MYEF2: variants seen among roughly 807,000 people sequenced by gnomAD.
The protein encoded by MYEF2 is myelin expression factor 2, also known as myelin gene expression factor 2.
In MYEF2, 37 loss-of-function variants were observed where a neutral mutation model predicts 75.2. The observed-to-expected ratio is 0.49, with a 90% CI of 0.38 to 0.65. The LOEUF is 0.65. MYEF2 is among the 30% of genes least tolerant of loss of function. MYEF2 has a pLI of 0.00. For missense variants in MYEF2, 634 were observed against 771.4 expected (o/e 0.82, Z 2.11); for synonymous variants, 195 against 241.6 (o/e 0.81, Z 1.79).
In MYEF2 at chr15:48,139,534, G is replaced by C. The variant is rs200053579; in HGVS notation, c.*3374C>G. On this transcript the variant is annotated 3_prime_UTR_variant, in exon 17 of 17. Coordinates refer to ENST00000324324, the MANE Select transcript of MYEF2 (RefSeq NM_016132.5). ...TCCATTCCATAATAAAAAAAAAAAA[G>C]AACAAAAAAACAAAAACAAAGCAAG... 1 of 151,998 alleles carries C rather than the reference G, an allele frequency of 6.6e-6. No individual in the cohort carries two copies. Among genetic ancestry groups the C allele is most frequent in the Non-Finnish European group, 1.4e-5 (1 of 71,410 alleles). The allele number at this position is 151,998 out of a possible 1,614,324, so 9.4% of individuals were successfully genotyped here.
intron 10 of MYEF2, 185 bp downstream of exon 10, chr15:48,153,607 T>C (rs1336563181): frequency 1.8e-6 from 1 of 551,378 alleles, no homozygotes; most frequent in Non-Finnish European, 3.2e-6. Flanking sequence ...CCCTCCTGAC[T>C]TCTGCCTATC....
chr15:48,150,755 T>C (rs929695657), intron 14 of MYEF2, among the ~76,000 whole-genome samples: 3 of 152,070 alleles, frequency 2.0e-5, no homozygotes, highest in African/African-American at 7.2e-5. Flanking sequence ...CTAATAGCTA[T>C]TATAGAAAAT....
chr15:48,155,953 T>C (rs1008818796), intron 9 of MYEF2, among the ~76,000 whole-genome samples: 5 of 151,964 alleles, frequency 3.3e-5, no homozygotes, highest in African/African-American at 1.2e-4. Context: ...TTTTTTTGTA[T>C]TTTTAGTAGA....
intron 5 of MYEF2, among the ~76,000 whole-genome samples, chr15:48,161,838 G>A (rs1156938677): frequency 7.2e-6 from 1 of 139,454 alleles, no homozygotes; most frequent in Non-Finnish European, 1.6e-5. Flanking sequence ...TGCAGTTTTT[G>A]CCATTATTTT....
At chr15:48,148,275 T>C (rs142462405) in intron 16 of MYEF2, among the ~76,000 whole-genome samples, 1 of 152,020 alleles carries the variant, frequency 6.6e-6, no homozygotes, top group Non-Finnish European at 1.5e-5. Context: ...TCACATGAAT[T>C]CTCTCATTAT....
chr15:48,156,942 C>A (rs188572669), intron 9 of MYEF2, among the ~76,000 whole-genome samples: 69 of 151,912 alleles, frequency 4.5e-4, no homozygotes, highest in Admixed American at 1.4e-3. Context: ...CTGGATAAGG[C>A]ATAAGTTGAA....
intron 14 of MYEF2, among the ~76,000 whole-genome samples, chr15:48,150,254 G>A (rs1298163728): frequency 6.6e-6 from 1 of 151,938 alleles, no homozygotes; most frequent in Non-Finnish European, 1.5e-5. Context: ...AGATAAAAGA[G>A]GAAGGTAAGG....
At chr15:48,152,406 G>C in intron 10 of MYEF2, 122 bp from the exon 11 acceptor site, 1 of 806,864 alleles carries the variant, frequency 1.2e-6, no homozygotes, top group Non-Finnish European at 2.0e-6. Context: ...CTAGAGAAGC[G>C]GTAGGGTACA....
chr15:48,151,683 G>T, intron 12 of MYEF2, 112 bp from the exon 13 acceptor site: 2 of 1,236,216 alleles, frequency 1.6e-6, no homozygotes, highest in Non-Finnish European at 2.3e-6. Flanking sequence ...ATATAAAATA[G>T]TCTGTCATTT....
rs752582971 is a variant in MYEF2, at chr15:48,149,197, A to G, written c.1553T>C (p.Ile518Thr). 3.1e-6 allele frequency: 5 copies of G among 1,613,386 alleles called. No individual in the cohort carries two copies. Among genetic ancestry groups the G allele is most frequent in the Non-Finnish European group, 4.2e-6 (5 of 1,179,450 alleles). ...GPMGSGMRER[I>T]GSKGNQIFVR... ...AAATATCTGGTTGCCTTTGGAGCCT[A>G]TTCTCTCTCTCATTCCGCTTCCCAT... The change falls in exon 15 of 17, where the codon ATA becomes ACA. Residue 518 changes from isoleucine (I) to threonine (T), a missense_variant. Physicochemically the swap from Ile to Thr is moderately conservative, Grantham distance 89 (BLOSUM62 -1). Coordinates refer to ENST00000324324, the MANE Select transcript of MYEF2 (RefSeq NM_016132.5). This position sits in a 1 kb window ranked among gnomAD's most constrained non-coding sequence, Gnocchi z 4.0.
intron 14 of MYEF2, among the ~76,000 whole-genome samples, 162 bp downstream of exon 14, chr15:48,150,938 T>A (rs775670499): frequency 2.6e-5 from 4 of 152,048 alleles, no homozygotes; most frequent in African/African-American, 9.7e-5. Flanking sequence ...CAAACAATAA[T>A]CAAACAGAAA....
chr15:48,143,081 A>T lies in MYEF2; in HGVS notation c.1640-10T>A, dbSNP rs1484673466. On this transcript the variant is annotated splice_polypyrimidine_tract_variant and intron_variant, in intron 16 of 16. Transcript: ENST00000324324. ...GCAAACATTACATGACCTGTAAAAT[A>T]AAAGTTACAGAATTACTAGTCAGTT... 5 of 1,500,866 alleles carry T rather than the reference A, an allele frequency of 3.3e-6. No homozygotes were observed. Among genetic ancestry groups the T allele is most frequent in the Non-Finnish European group, 3.6e-6 (4 of 1,126,512 alleles). The allele number at this position is 1,500,866 out of a possible 1,614,324, so 93.0% of individuals were successfully genotyped here.
At position 48,159,684 on chromosome 15, in the gene MYEF2, G is replaced by T; in HGVS notation, c.646C>A (p.Pro216Thr). 6.2e-7 allele frequency: 1 copy of T among 1,613,632 alleles called. No individual in the cohort carries two copies. Among genetic ancestry groups the T allele is most frequent in the Non-Finnish European group, 8.5e-7 (1 of 1,179,726 alleles). ...MNLPPSILNN[P>T]NIPPEVISNL... ...CTGATGACTTCAGGAGGAATGTTTG[G>T]ATTATTGAGTATGGAAGGTGGTAAA... The change falls in exon 6 of 17, where the codon CCA becomes ACA. Residue 216 changes from proline (P) to threonine (T), a missense_variant. Coordinates refer to ENST00000324324, the MANE Select transcript of MYEF2 (RefSeq NM_016132.5).
chr15:48,148,484 G>C (rs1249634778), intron 16 of MYEF2, among the ~76,000 whole-genome samples: 1 of 151,984 alleles, frequency 6.6e-6, no homozygotes, highest in Non-Finnish European at 1.5e-5. Flanking sequence ...CAACCAAAAT[G>C]TACCCATGTC....
chr15:48,159,407 AGTT>A (rs2039843493), intron 6 of MYEF2, among the ~76,000 whole-genome samples: 1 of 152,046 alleles, frequency 6.6e-6, no homozygotes, highest in Admixed American at 6.6e-5. Context: ...AAATCCAAAT[AGTT>A]GTATTTAAAC....
At chr15:48,177,891 C>A (rs2040604731) in intron 1 of MYEF2, among the ~76,000 whole-genome samples, 186 bp downstream of exon 1, 1 of 152,264 alleles carries the variant, frequency 6.6e-6, no homozygotes. Flanking sequence ...GGCGGCCAGG[C>A]CTGGGGCGGG....
chr15:48,162,076 T>G (rs1187363593), intron 5 of MYEF2, among the ~76,000 whole-genome samples: 3 of 151,776 alleles, frequency 2.0e-5, no homozygotes, highest in Non-Finnish European at 4.4e-5. Flanking sequence ...GTTAATAACT[T>G]TTTTAATAAT....
Position 48,136,840 on chromosome 15 carries a change from T to G in MYEF2, c.*6068A>C. On this transcript the variant is annotated 3_prime_UTR_variant, in exon 17 of 17. Transcript: ENST00000324324. ...AAGTGAACAACAGCCACTGATGGGC[T>G]GGGAAGATGAAGGTCAACCATTCAT... The G allele has an allele frequency of 6.2e-7, 1 of 1,613,886 alleles. No homozygotes were observed. The highest frequency in any genetic ancestry group is 8.5e-7 in the Non-Finnish European group (1 of 1,179,852).
intron 9 of MYEF2, 70 bp from the exon 10 acceptor site, chr15:48,153,963 T>A (rs1360018416): frequency 7.9e-7 from 1 of 1,263,572 alleles, no homozygotes; most frequent in Non-Finnish European, 1.1e-6. Flanking sequence ...TAAAATTTTT[T>A]AAAAAGCTAT....
Sources: allele counts gnomAD v4.1 joint callset (sites outside exome capture counted in the v4.1 genomes callset), GRCh38; gene constraint gnomAD v4.1.1; non-coding constraint Gnocchi (gnomAD v3.1); transcripts MANE v1.5; gene names NCBI Gene and HGNC (gene_info 2026-07-23, HGNC 2026-07-21).